Variants in KIF16B observed in about 807,000 individuals in gnomAD.
KIF16B encodes kinesin family member 16B.
In KIF16B, 98 loss-of-function variants were observed where a neutral mutation model predicts 156.3. The ratio of observed to expected loss-of-function variants is 0.63; its 90% CI spans 0.53 to 0.74. The LOEUF (loss-of-function observed/expected upper bound fraction) is 0.74. KIF16B is among the 30% of genes least tolerant of loss of function. The pLI, the probability that KIF16B is intolerant of heterozygous loss-of-function variation, is 0.00. For missense variants in KIF16B, 1,421 were observed against 1,606.5 expected (o/e 0.88, Z 1.97); for synonymous variants, 564 against 583.7 (o/e 0.97, Z 0.49).
At chr20:16,531,927 G>T (rs1231818219) in intron 1 of KIF16B, among the ~76,000 whole-genome samples, 1 of 152,076 alleles carries the variant, frequency 6.6e-6, no homozygotes, top group Non-Finnish European at 1.5e-5. Context: ...AAATAGCCGG[G>T]TGTGGTGGCG....
At chr20:16,407,945 C>T (rs2065828152) in intron 15 of KIF16B, among the ~76,000 whole-genome samples, 1 of 152,098 alleles carries the variant, frequency 6.6e-6, no homozygotes, top group South Asian at 2.1e-4. Context: ...TCTTTGTTTG[C>T]ACTTAGCAAA....
chr20:16,304,578 A>G (rs2063515924), intron 25 of KIF16B, among the ~76,000 whole-genome samples: 1 of 152,248 alleles, frequency 6.6e-6, no homozygotes, highest in Non-Finnish European at 1.5e-5. Flanking sequence ...AAGAAAAAAA[A>G]TAAAAACCTA....
intron 20 of KIF16B, among the ~76,000 whole-genome samples, chr20:16,372,859 G>C (rs764901372): frequency 6.6e-6 from 1 of 152,092 alleles, no homozygotes; most frequent in African/African-American, 2.4e-5. Flanking sequence ...CACCACACCC[G>C]GCTAATTTTC....
Position 16,505,720 on chromosome 20 carries a change from A to G in KIF16B, c.1000+2T>C. 6.2e-7 allele frequency: 1 copy of G among 1,611,570 alleles called. No homozygotes were observed. The highest frequency in any genetic ancestry group is 1.1e-5 in the South Asian group (1 of 90,718). On this transcript the variant is annotated splice_donor_variant, in intron 9 of 25. Transcript: ENST00000354981. LOFTEE classifies it high-confidence loss of function. The stretch of plus-strand genomic sequence containing the variant: ...CTCAGAAAAGTAACTTAAAACTCTT[A>G]CTGGCAATCATGATAGTTTTAGAGT...
chr20:16,536,945 C>T (rs764353183), intron 1 of KIF16B, among the ~76,000 whole-genome samples: 145 of 152,186 alleles, frequency 9.5e-4, no homozygotes, highest in Non-Finnish European at 1.5e-3. Context: ...CCCCCAACCC[C>T]CCTACCCAAC....
At chr20:16,460,221 A>G (rs1185334191) in intron 12 of KIF16B, among the ~76,000 whole-genome samples, 1 of 152,230 alleles carries the variant, frequency 6.6e-6, no homozygotes, top group Non-Finnish European at 1.5e-5. Context: ...AGGTTGGCCT[A>G]AAGTTTCTCC....
Position 16,362,993 on chromosome 20 carries a change from CT to C in KIF16B, c.3499-6542del, listed in dbSNP as rs151287772. Reference sequence around the variant, plus strand: ...CCCTCATAAAGAAGGCATTAGCATACTACAACACTGCATCCTTAACAAGAGA... The same window carrying C: ...CCCTCATAAAGAAGGCATTAGCATACACAACACTGCATCCTTAACAAGAGA... On this transcript the variant is annotated intron_variant, in intron 22 of 25. Coordinates refer to ENST00000354981, the MANE Select transcript of KIF16B (RefSeq NM_024704.5). Among the ~76,000 whole-genome samples, 64 of 152,262 alleles carry C rather than the reference CT, an allele frequency of 4.2e-4. No individual in the cohort carries two copies. In the East Asian group the frequency reaches 0.011, roughly 27 times the overall value.
At chr20:16,420,953 T>C (rs1236807937) in intron 15 of KIF16B, among the ~76,000 whole-genome samples, 1 of 152,130 alleles carries the variant, frequency 6.6e-6, no homozygotes, top group African/African-American at 2.4e-5. Context: ...TAAGTTATAA[T>C]TATTTAAGTT....
At chr20:16,350,831 T>C (rs2064324535) in intron 23 of KIF16B, among the ~76,000 whole-genome samples, 1 of 145,098 alleles carries the variant, frequency 6.9e-6, no homozygotes, top group African/African-American at 2.6e-5. Flanking sequence ...CAGGCTAGCA[T>C]GCATCACACT....
At chr20:16,294,235 G>A (rs1360212) in intron 25 of KIF16B, among the ~76,000 whole-genome samples, 59,470 of 151,980 alleles carry the variant, frequency 0.39, 12,717 homozygotes, top group East Asian at 0.91. Context: ...ACAAACACAT[G>A]CACAGAAAAA....
At chr20:16,348,213 CTAGGGCAATACTAAAA>C (rs988593887) in intron 23 of KIF16B, among the ~76,000 whole-genome samples, 6 of 152,178 alleles carry the variant, frequency 3.9e-5, no homozygotes, top group Non-Finnish European at 4.4e-5. Flanking sequence ...ACCATTATCT[CTAGGGCAATACTAAAA>C]TATAGCCTCA....
At chr20:16,411,706 G>T (rs116043124) in intron 15 of KIF16B, among the ~76,000 whole-genome samples, 2 of 151,978 alleles carry the variant, frequency 1.3e-5, no homozygotes, top group Non-Finnish European at 2.9e-5. Flanking sequence ...GGGCATACTC[G>T]TATGGGGAAT....
chr20:16,528,550 A>T (rs1288615522), intron 1 of KIF16B, 110 bp from the exon 2 acceptor site: 2 of 788,920 alleles, frequency 2.5e-6, no homozygotes, highest in Non-Finnish European at 4.2e-6. Context: ...TTTATTTTCA[A>T]ATGGCATCTG....
At chr20:16,484,757 C>A (rs754217336) in intron 12 of KIF16B, among the ~76,000 whole-genome samples, 41 of 152,098 alleles carry the variant, frequency 2.7e-4, no homozygotes, top group Non-Finnish European at 5.4e-4. Flanking sequence ...TCTCAAAATC[C>A]TCTCTCAAGT....
chr20:16,474,509 T>C (rs1305912698), intron 12 of KIF16B, among the ~76,000 whole-genome samples: 2 of 152,220 alleles, frequency 1.3e-5, no homozygotes. Flanking sequence ...TATACTCAGC[T>C]GAAGAAACAA....
chr20:16,567,188 G>A (rs892230393), intron 1 of KIF16B, among the ~76,000 whole-genome samples: 5 of 152,128 alleles, frequency 3.3e-5, no homozygotes, highest in Non-Finnish European at 5.9e-5. Flanking sequence ...TCTTATTTCT[G>A]AATAAGAGAC....
chr20:16,303,501 T>C (rs891027536), intron 25 of KIF16B, among the ~76,000 whole-genome samples: 1 of 152,260 alleles, frequency 6.6e-6, no homozygotes, highest in South Asian at 2.1e-4. Context: ...CATTTTGCAA[T>C]GTGGTAGAGC....
At chr20:16,493,380 G>C (rs894580363) in intron 12 of KIF16B, among the ~76,000 whole-genome samples, 3 of 152,212 alleles carry the variant, frequency 2.0e-5, no homozygotes, top group African/African-American at 7.2e-5. Flanking sequence ...CAAGGCTGCA[G>C]AAGTTTACCC....
intron 12 of KIF16B, among the ~76,000 whole-genome samples, chr20:16,457,409 G>A (rs1375937614): frequency 2.6e-5 from 4 of 152,156 alleles, no homozygotes; most frequent in African/African-American, 7.2e-5. Flanking sequence ...AATAACGAAC[G>A]TTCAATGCTT....
Sources: gnomAD v4.1 joint callset for allele counts (sites outside exome capture counted in the v4.1 genomes callset) on GRCh38, gnomAD v4.1.1 for gene constraint, MANE v1.5 for transcripts, NCBI Gene and HGNC (gene_info 2026-07-23, HGNC 2026-07-21) for gene names.